The following NBAS variants were observed in gnomAD, a reference collection of about 807,000 sequenced individuals.
NBAS encodes NAG/BC035112 fusion.
In NBAS, 219 loss-of-function variants were observed where a neutral mutation model predicts 302.5. That is an observed-to-expected ratio of 0.72 (90% CI 0.65 to 0.81). The LOEUF (loss-of-function observed/expected upper bound fraction) is 0.81. NBAS is among the 30% of genes least tolerant of loss of function. The probability of loss-of-function intolerance (pLI) is 0.00; values close to 1 mark genes in which losing one functional copy is unlikely to be tolerated. For missense variants in NBAS, 2,932 were observed against 2,841.6 expected, an observed-to-expected ratio of 1.03 and a Z score of -0.72; for synonymous variants, 1,118 against 1,021.6, an observed-to-expected ratio of 1.09 and a Z score of -1.80.
At chr2:14,831,748 T>G in the NBAS span, among the ~76,000 whole-genome samples, 84 of 152,270 alleles carry the variant, frequency 5.5e-4, no homozygotes, top group African/African-American at 1.9e-3. Flanking sequence ...TCACTTCACT[T>G]CTCTTAACTC....
the NBAS span, among the ~76,000 whole-genome samples, chr2:14,988,113 T>A: frequency 1.2e-4 from 18 of 152,162 alleles, no homozygotes; most frequent in African/African-American, 4.1e-4. Context: ...GAAAACATTG[T>A]TGTGGAAACA....
chr2:14,889,282 T>C, the NBAS span, among the ~76,000 whole-genome samples: 1 of 152,242 alleles, frequency 6.6e-6, no homozygotes, highest in African/African-American at 2.4e-5. Flanking sequence ...CTGTTGCTGC[T>C]CAACAAATGT....
chr2:15,428,654 G>C (rs757647454), intron 21 of NBAS, among the ~76,000 whole-genome samples: 2 of 152,068 alleles, frequency 1.3e-5, no homozygotes, highest in African/African-American at 4.8e-5. Flanking sequence ...TAGGAGGATC[G>C]CTTGAGCCCT....
chr2:15,247,527 C>G (rs774125924), intron 44 of NBAS, among the ~76,000 whole-genome samples: 2 of 151,876 alleles, frequency 1.3e-5, no homozygotes, highest in Admixed American at 6.6e-5. Flanking sequence ...GAATATTTAG[C>G]AAGCAAATGG....
At chr2:15,547,054 G>A (rs767022017) in intron 6 of NBAS, among the ~76,000 whole-genome samples, 13 of 152,292 alleles carry the variant, frequency 8.5e-5, no homozygotes, top group Middle Eastern at 3.4e-3. Flanking sequence ...CTCTAATTTC[G>A]TGTGCTATTT....
the NBAS span, among the ~76,000 whole-genome samples, chr2:15,052,490 C>A: frequency 1.3e-5 from 2 of 152,192 alleles, no homozygotes; most frequent in Non-Finnish European, 2.9e-5. Context: ...CGTCTCCCAC[C>A]TCCCCTTTCA....
At chr2:15,399,859 C>A (rs1159360469) in intron 26 of NBAS, among the ~76,000 whole-genome samples, 1 of 152,022 alleles carries the variant, frequency 6.6e-6, no homozygotes, top group Non-Finnish European at 1.5e-5. Context: ...AACTTCTCAA[C>A]AATACTAGAA....
chr2:14,986,711 T>C, the NBAS span, among the ~76,000 whole-genome samples: 1 of 152,108 alleles, frequency 6.6e-6, no homozygotes, highest in Non-Finnish European at 1.5e-5. Context: ...AACTTCAGTG[T>C]TTAGACAATC....
intron 10 of NBAS, among the ~76,000 whole-genome samples, chr2:15,509,178 A>G (rs1207555341): frequency 6.6e-6 from 1 of 152,192 alleles, no homozygotes; most frequent in Non-Finnish European, 1.5e-5. Context: ...TAATCATCAT[A>G]GCATATATTA....
chr2:15,145,906 G>A, the NBAS span, among the ~76,000 whole-genome samples: 1 of 151,944 alleles, frequency 6.6e-6, no homozygotes, highest in South Asian at 2.1e-4. Context: ...CTAAACATAA[G>A]GTGAATGCTT....
chr2:15,271,200 A>T (rs1048279234), intron 44 of NBAS, among the ~76,000 whole-genome samples: 1 of 152,192 alleles, frequency 6.6e-6, no homozygotes, highest in African/African-American at 2.4e-5. Context: ...GCAAACAAAG[A>T]TACTCTTATG....
the NBAS span, among the ~76,000 whole-genome samples, chr2:14,800,740 G>A: frequency 1.4e-5 from 2 of 143,194 alleles, no homozygotes; most frequent in South Asian, 4.4e-4. Context: ...ATAGTACATT[G>A]TAATTATTTT....
intron 48 of NBAS, among the ~76,000 whole-genome samples, chr2:15,193,886 G>C (rs1356989948): frequency 6.6e-6 from 1 of 151,974 alleles, no homozygotes; most frequent in Non-Finnish European, 1.5e-5. Flanking sequence ...AACTATAGGA[G>C]TCATAAAAGA....
At chr2:15,329,744 T>C (rs1672236700) in intron 36 of NBAS, among the ~76,000 whole-genome samples, 1 of 152,152 alleles carries the variant, frequency 6.6e-6, no homozygotes, top group Non-Finnish European at 1.5e-5. Context: ...CCAGGGGAGC[T>C]AGAGTTTGTA....
At chr2:15,246,070 G>T (rs904460078) in intron 44 of NBAS, among the ~76,000 whole-genome samples, 3 of 152,180 alleles carry the variant, frequency 2.0e-5, no homozygotes, top group Non-Finnish European at 4.4e-5. Flanking sequence ...TAAGGAATCT[G>T]ACTTGGAAGC....
At chr2:15,348,093 T>C (rs1673178133) in intron 35 of NBAS, among the ~76,000 whole-genome samples, 3 of 152,252 alleles carry the variant, frequency 2.0e-5, no homozygotes, top group African/African-American at 4.8e-5. Flanking sequence ...ACTGTTAATG[T>C]GTAACACACG....
the NBAS span, among the ~76,000 whole-genome samples, chr2:14,983,962 T>TCAA: frequency 6.6e-6 from 1 of 152,126 alleles, no homozygotes; most frequent in Non-Finnish European, 1.5e-5. Flanking sequence ...ACATAAATAT[T>TCAA]TGCCCACGTA....
the NBAS span, among the ~76,000 whole-genome samples, chr2:14,852,766 C>T: frequency 2.1e-4 from 31 of 147,478 alleles, no homozygotes; most frequent in East Asian, 3.2e-3. Flanking sequence ...GAAATAATGC[C>T]GCATACCTAC....
At chr2:15,086,711 G>A in the NBAS span, among the ~76,000 whole-genome samples, 86 of 152,276 alleles carry the variant, frequency 5.6e-4, 1 homozygote, top group African/African-American at 1.8e-3. Flanking sequence ...GAGAGCTGGC[G>A]CCCATGCTGG....
Sources: allele counts gnomAD v4.1 joint callset (sites outside exome capture counted in the v4.1 genomes callset), GRCh38; gene constraint gnomAD v4.1.1; transcripts MANE v1.5; gene names NCBI Gene and HGNC (gene_info 2026-07-23, HGNC 2026-07-21).